Variants in PCDHGA8 observed in about 807,000 individuals in gnomAD.
PCDHGA8 encodes the protein protocadherin gamma subfamily A, 8, also known as protocadherin gamma-A8.
In PCDHGA8, 45 loss-of-function variants were observed where a neutral mutation model predicts 59.2. The ratio of observed to expected loss-of-function variants is 0.76; its 90% CI spans 0.60 to 0.98. The LOEUF (loss-of-function observed/expected upper bound fraction) is 0.98. Among genes scored for constraint, PCDHGA8 ranks in the 50% least tolerant of loss-of-function variants. PCDHGA8 has a pLI of 0.00. For missense variants in PCDHGA8, 1,257 were observed against 1,196.2 expected, an observed-to-expected ratio of 1.05 and a Z score of -0.75; for synonymous variants, 531 against 519.0, an observed-to-expected ratio of 1.02 and a Z score of -0.32.
chr5:141,486,452 G>T lies in PCDHGA8; in HGVS notation c.2425-8355G>T. 6.2e-7 allele frequency: 1 copy of T among 1,614,152 alleles called. No homozygotes were observed. Among genetic ancestry groups the T allele is most frequent in the Non-Finnish European group, 8.5e-7 (1 of 1,179,996 alleles). Reference sequence around the variant, plus strand: ...ATCTAGCTATGACATCATGGTCACTGCTTCTGATGCTGGGAACCCTCCTCT... The same window carrying T: ...ATCTAGCTATGACATCATGGTCACTTCTTCTGATGCTGGGAACCCTCCTCT... On this transcript the variant is annotated intron_variant, in intron 1 of 3. Coordinates refer to ENST00000398604, the MANE Select transcript of PCDHGA8 (RefSeq NM_032088.2). This position sits in a 1 kb window ranked among gnomAD's most constrained non-coding sequence, Gnocchi z 5.0.
Position 141,489,767 on chromosome 5 carries a change from G to T in PCDHGA8, c.2425-5040G>T, listed in dbSNP as rs2099691977. On this transcript the variant is annotated intron_variant, in intron 1 of 3. Transcript: ENST00000398604. This position sits in a 1 kb window ranked among gnomAD's most constrained non-coding sequence, Gnocchi z 4.5. ...AGCTTTTACACTCTAAGCCCCAACA[G>T]CCACTTCTCTCTGAATGTGAAGACC... The T allele has an allele frequency of 6.2e-7, 1 of 1,614,028 alleles. No homozygotes were observed. Among genetic ancestry groups the T allele is most frequent in the African/African-American group, 1.3e-5 (1 of 74,938 alleles).
At chr5:141,410,995 T>A in intron 1 of PCDHGA8, 1 of 174,388 alleles carries the variant, frequency 5.7e-6, no homozygotes, top group South Asian at 1.4e-4. Flanking sequence ...CTGGGATTAC[T>A]GGTGCCCCTC....
chr5:141,460,924 A>ATATATG (rs1561985817), intron 1 of PCDHGA8, among the ~76,000 whole-genome samples: 1 of 150,496 alleles, frequency 6.6e-6, no homozygotes, highest in African/African-American at 2.4e-5. Flanking sequence ...ATATATATAT[A>ATATATG]TGTGTGTGTG....
Position 141,431,344 on chromosome 5 carries a change from G to T in PCDHGA8, c.2424+36107G>T. On this transcript the variant is annotated intron_variant, in intron 1 of 3. Coordinates refer to ENST00000398604, the MANE Select transcript of PCDHGA8 (RefSeq NM_032088.2). This position sits in a 1 kb window ranked among gnomAD's most constrained non-coding sequence, Gnocchi z 4.8. ...ACGGTAGTAAGTACCCCGAATTGGT[G>T]CTGAAACGCGCCCTGGACCGCGAAG... 1 of 1,614,078 alleles carries T rather than the reference G, an allele frequency of 6.2e-7. No individual in the cohort carries two copies. The highest frequency in any genetic ancestry group is 1.3e-5 in the African/African-American group (1 of 75,068).
chr5:141,398,317 C>G (rs1364315924), intron 1 of PCDHGA8: 1 of 1,349,834 alleles, frequency 7.4e-7, no homozygotes, highest in Non-Finnish European at 1.0e-6. Flanking sequence ...GTTACCGACT[C>G]GAAAACTGCG....
intron 1 of PCDHGA8, among the ~76,000 whole-genome samples, chr5:141,451,875 T>C (rs747595781): frequency 5.9e-5 from 9 of 151,594 alleles, no homozygotes; most frequent in Non-Finnish European, 1.3e-4. Context: ...AATGAAACCC[T>C]GTCAAGAAAG....
At position 141,489,219 on chromosome 5, in the gene PCDHGA8, T is replaced by C; in HGVS notation, c.2425-5588T>C. 1 of 1,502,828 alleles carries C rather than the reference T, an allele frequency of 6.7e-7. No homozygotes were observed. Among genetic ancestry groups the C allele is most frequent in the Non-Finnish European group, 8.9e-7 (1 of 1,117,962 alleles). 93.1% of individuals were successfully genotyped at this position (1,502,828 alleles called of 1,614,324 possible). On this transcript the variant is annotated intron_variant, in intron 1 of 3. Transcript: ENST00000398604. This position sits in a 1 kb window ranked among gnomAD's most constrained non-coding sequence, Gnocchi z 4.5. ...GAGACAGGACAGCACAGACTTACTC[T>C]CCACAAAGGGACTTCTGGGTCATGG...
chr5:141,492,740 C>T (rs1364102818), intron 1 of PCDHGA8, among the ~76,000 whole-genome samples: 1 of 152,238 alleles, frequency 6.6e-6, no homozygotes, highest in African/African-American at 2.4e-5. Context: ...GCCCAGTGGC[C>T]GAGGCGCGGC....
intron 1 of PCDHGA8, chr5:141,400,547 C>T (rs534226736): frequency 2.5e-6 from 4 of 1,613,676 alleles, no homozygotes; most frequent in Non-Finnish European, 3.4e-6. Context: ...TATGTCTATT[C>T]TTTTTCATTA....
At chr5:141,468,597 T>C in intron 1 of PCDHGA8, 1 of 152,224 alleles carries the variant, frequency 6.6e-6, no homozygotes, top group East Asian at 1.9e-4. Context: ...CTGGGCGCGG[T>C]GGCTCACGCC....
chr5:141,490,336 G>T lies in PCDHGA8; in HGVS notation c.2425-4471G>T. 2 of 1,614,224 alleles carry T rather than the reference G, an allele frequency of 1.2e-6. No individual in the cohort carries two copies. The highest frequency in any genetic ancestry group is 8.5e-7 in the Non-Finnish European group (1 of 1,180,040). ...CCCTGTCCTAGAGAGCACACCAGTGGGCACAGTAGTGGGGTTGTTTAATGT... is the reference window on the plus strand; with the variant it reads ...CCCTGTCCTAGAGAGCACACCAGTGTGCACAGTAGTGGGGTTGTTTAATGT... On this transcript the variant is annotated intron_variant, in intron 1 of 3. Transcript: ENST00000398604. This position sits in a 1 kb window ranked among gnomAD's most constrained non-coding sequence, Gnocchi z 5.4.
At chr5:141,399,854 G>A (rs747617678) in intron 1 of PCDHGA8, 6 of 1,612,786 alleles carry the variant, frequency 3.7e-6, no homozygotes, top group Non-Finnish European at 5.1e-6. Context: ...ATGGTGCCGC[G>A]CGCTGCAGAG....
chr5:141,473,237 A>C (rs2099317600), intron 1 of PCDHGA8, among the ~76,000 whole-genome samples: 1 of 152,194 alleles, frequency 6.6e-6, no homozygotes, highest in African/African-American at 2.4e-5. Context: ...GATCCACACA[A>C]GTGAATACAT....
At chr5:141,409,920 C>G in intron 1 of PCDHGA8, 1 of 1,613,400 alleles carries the variant, frequency 6.2e-7, no homozygotes, top group Non-Finnish European at 8.5e-7. Flanking sequence ...GACGGCTCCG[C>G]GTTCTTCGAT....
rs930862898 is a variant in PCDHGA8 at position 141,480,073 on chromosome 5, C to A, written c.2425-14734C>A. ...GGAATAATAAGTGTTTTATAAGATT[C>A]ATGCATGATATAATGTATGCAAAGT... On this transcript the variant is annotated intron_variant, in intron 1 of 3. Coordinates refer to ENST00000398604, the MANE Select transcript of PCDHGA8 (RefSeq NM_032088.2). Among the ~76,000 whole-genome samples, 5 of 152,174 alleles carry A rather than the reference C, an allele frequency of 3.3e-5. No homozygotes were observed. In the South Asian group the frequency reaches 8.3e-4, roughly 25 times the overall value.
chr5:141,466,573 C>T (rs2099125317), intron 1 of PCDHGA8, among the ~76,000 whole-genome samples: 1 of 152,104 alleles, frequency 6.6e-6, no homozygotes, highest in South Asian at 2.1e-4. Context: ...TCAACATTGT[C>T]TCATCCCTTC....
intron 2 of PCDHGA8, 34 bp from the exon 3 acceptor site, chr5:141,505,359 G>T: frequency 1.9e-6 from 3 of 1,613,870 alleles, no homozygotes; most frequent in Non-Finnish European, 2.5e-6. Context: ...TGCCGGCCTG[G>T]GAGTCTGTGC....
intron 1 of PCDHGA8, among the ~76,000 whole-genome samples, chr5:141,448,711 C>T (rs62379167): frequency 0.23 from 35,567 of 151,844 alleles, 4,336 homozygotes; most frequent in Admixed American, 0.32. Context: ...GAGGCCGAGG[C>T]GGGAGGATCA....
chr5:141,439,176 T>C (rs1044289122), intron 1 of PCDHGA8, among the ~76,000 whole-genome samples: 3 of 146,068 alleles, frequency 2.1e-5, no homozygotes, highest in African/African-American at 7.8e-5. Context: ...CTGGGCGACA[T>C]AGTGAGACTC....
Sources: allele counts gnomAD v4.1 joint callset (sites outside exome capture counted in the v4.1 genomes callset), GRCh38; gene constraint gnomAD v4.1.1; non-coding constraint Gnocchi (gnomAD v3.1); transcripts MANE v1.5; gene names NCBI Gene and HGNC (gene_info 2026-07-23, HGNC 2026-07-21).